Variants in RIMS2 observed in about 807,000 individuals in gnomAD.
RIMS2 encodes regulating synaptic membrane exocytosis protein 2.
RIMS2 carries 59 observed loss-of-function variants against 174.4 expected under a neutral mutation model. That is an observed-to-expected ratio of 0.34 (90% CI 0.27 to 0.42). The LOEUF is 0.42. Ranked by LOEUF, RIMS2 falls within the 10% of genes least tolerant of loss-of-function variation. RIMS2 has a pLI of 1.00. For synonymous variants in RIMS2, 606 were observed against 572.5 expected (o/e 1.06, Z -0.84); for missense variants, 1,620 against 1,666.3 (o/e 0.97, Z 0.48).
At chr8:104,000,862 G>C (rs1321916775) in intron 17 of RIMS2, among the ~76,000 whole-genome samples, 1 of 151,810 alleles carries the variant, frequency 6.6e-6, no homozygotes, top group East Asian at 1.9e-4. Context: ...GTCTTCTTTT[G>C]AGAAATGTCT....
At chr8:103,799,715 C>T (rs1382774090) in intron 3 of RIMS2, among the ~76,000 whole-genome samples, 1 of 152,006 alleles carries the variant, frequency 6.6e-6, no homozygotes, top group Non-Finnish European at 1.5e-5. Flanking sequence ...CTGAGGATCC[C>T]CTCACATACA....
chr8:103,632,922 A>T lies in RIMS2; in HGVS notation c.177-64164A>T, dbSNP rs563560798. ...CTAATTTTTTGTATTTTTAGTAGAG[A>T]TGGGGTTTCACTATGTTAACCAGGA... is the stretch of plus-strand genomic sequence containing the variant. On this transcript the variant is annotated intron_variant, in intron 1 of 23. Transcript: ENST00000504942. Among the ~76,000 whole-genome samples, 488 of 145,502 alleles carry T rather than the reference A, an allele frequency of 3.4e-3. 4 individuals are homozygous for T. Among genetic ancestry groups the T allele is most frequent in the Non-Finnish European group, 5.2e-3 (348 of 66,838 alleles).
At chr8:103,708,537 A>C (rs1397703467) in intron 2 of RIMS2, among the ~76,000 whole-genome samples, 1 of 151,832 alleles carries the variant, frequency 6.6e-6, no homozygotes, top group South Asian at 2.1e-4. Context: ...TAGTTGTTCA[A>C]AGTTGATGTT....
intron 1 of RIMS2, among the ~76,000 whole-genome samples, chr8:103,611,711 C>G (rs1167734593): frequency 6.6e-6 from 1 of 151,490 alleles, no homozygotes; most frequent in Non-Finnish European, 1.5e-5. Flanking sequence ...TTTCTTTATC[C>G]TTTAGCTGTG....
At chr8:103,942,667 A>G (rs769302974) in intron 13 of RIMS2, 106 bp from the exon 16 acceptor site, 1 of 784,872 alleles carries the variant, frequency 1.3e-6, no homozygotes, top group Non-Finnish European at 1.9e-6. Context: ...TTTTTCATGT[A>G]ATAGCATTAC....
intron 19 of RIMS2, among the ~76,000 whole-genome samples, chr8:104,031,150 A>G (rs1597413615): frequency 6.6e-6 from 1 of 152,278 alleles, no homozygotes; most frequent in South Asian, 2.1e-4. Flanking sequence ...ATAATATCTC[A>G]TAGCATATAA....
intron 3 of RIMS2, among the ~76,000 whole-genome samples, chr8:103,859,915 C>T (rs2099049500): frequency 6.6e-6 from 1 of 152,012 alleles, no homozygotes; most frequent in Non-Finnish European, 1.5e-5. Flanking sequence ...TCTTTAGGAA[C>T]TCAGTGGACA....
intron 19 of RIMS2, among the ~76,000 whole-genome samples, chr8:104,155,307 C>T (rs1233686275): frequency 6.6e-6 from 1 of 151,022 alleles, no homozygotes; most frequent in African/African-American, 2.4e-5. Context: ...AGGGTTTCAC[C>T]GTGTTACCCA....
chr8:104,005,058 C>A (rs1358591386), intron 17 of RIMS2, among the ~76,000 whole-genome samples: 1 of 152,116 alleles, frequency 6.6e-6, no homozygotes, highest in African/African-American at 2.4e-5. Flanking sequence ...ATTGGTGGGA[C>A]TGATGCCAGA....
At chr8:104,248,891 T>TTCTCTCTCTC (rs368851079) in intron 21 of RIMS2, 78 bp downstream of exon 27, 15,521 of 626,938 alleles carry the variant, frequency 0.025, 315 homozygotes, top group East Asian at 0.11. Flanking sequence ...TCATAGAATC[T>TTCTCTCTCTC]TCTCTCTCTC....
At chr8:103,798,894 C>A (rs147856030) in intron 3 of RIMS2, among the ~76,000 whole-genome samples, 2 of 150,320 alleles carry the variant, frequency 1.3e-5, no homozygotes, top group African/African-American at 4.9e-5. Context: ...TCTAATCACA[C>A]GAAGCCTTAA....
chr8:103,839,803 C>G (rs2098928895), intron 3 of RIMS2, among the ~76,000 whole-genome samples: 1 of 152,176 alleles, frequency 6.6e-6, no homozygotes, highest in African/African-American at 2.4e-5. Context: ...ACCATACTTT[C>G]AGGGATTATT....
chr8:103,791,359 C>A (rs1030046420), intron 3 of RIMS2, among the ~76,000 whole-genome samples: 4 of 152,282 alleles, frequency 2.6e-5, no homozygotes, highest in African/African-American at 9.6e-5. Context: ...CCTTTACAGA[C>A]AAGCAAATGC....
At chr8:104,102,975 T>C (rs557354941) in intron 19 of RIMS2, among the ~76,000 whole-genome samples, 1 of 152,250 alleles carries the variant, frequency 6.6e-6, no homozygotes, top group Admixed American at 6.5e-5. Context: ...TGTGAAAACA[T>C]CAGAGAAAAA....
intron 19 of RIMS2, among the ~76,000 whole-genome samples, chr8:104,145,834 C>T (rs2098633904): frequency 6.6e-6 from 1 of 151,676 alleles, no homozygotes; most frequent in Non-Finnish European, 1.5e-5. Flanking sequence ...GCACTCCAGC[C>T]TGGGCAACAA....
intron 3 of RIMS2, among the ~76,000 whole-genome samples, chr8:103,859,915 C>G (rs2099049500): frequency 6.6e-6 from 1 of 152,012 alleles, no homozygotes; most frequent in African/African-American, 2.4e-5. Context: ...TCTTTAGGAA[C>G]TCAGTGGACA....
intron 14 of RIMS2, among the ~76,000 whole-genome samples, chr8:103,952,048 C>T (rs182592959): frequency 7.5e-4 from 115 of 152,326 alleles, no homozygotes; most frequent in African/African-American, 2.4e-3. Context: ...AGACTGCCTC[C>T]GCAGATTCCC....
chr8:103,800,614 T>G (rs1453959394), intron 3 of RIMS2, among the ~76,000 whole-genome samples: 1 of 152,204 alleles, frequency 6.6e-6, no homozygotes, highest in African/African-American at 2.4e-5. Flanking sequence ...CTTTCGTCTC[T>G]TTATATGGTG....
chr8:104,149,225 G>A (rs2098669642), intron 19 of RIMS2, among the ~76,000 whole-genome samples: 1 of 152,176 alleles, frequency 6.6e-6, no homozygotes. Context: ...TTCCCAGCAA[G>A]ATGCTGTGAA....
Sources: allele counts gnomAD v4.1 joint callset (sites outside exome capture counted in the v4.1 genomes callset), GRCh38; gene constraint gnomAD v4.1.1; transcripts MANE v1.5; gene names NCBI Gene and HGNC (gene_info 2026-07-23, HGNC 2026-07-21).